TAFA1: variants seen among roughly 807,000 people sequenced by gnomAD.
The protein encoded by TAFA1 is chemokine-like protein TAFA-1.
Under a neutral mutation model 18.5 loss-of-function variants are expected in TAFA1, and 4 were observed. The observed-to-expected ratio is 0.22, with a 90% CI of 0.11 to 0.49. The LOEUF (loss-of-function observed/expected upper bound fraction) is 0.49, where lower values mean the gene tolerates loss of function less well. Among genes scored for constraint, TAFA1 ranks in the 20% least tolerant of loss-of-function variants. The pLI is 0.98. For synonymous variants in TAFA1, 56 were observed against 55.2 expected (o/e 1.01, Z -0.06); for missense variants, 147 against 169.0 (o/e 0.87, Z 0.72).
chr3:68,232,661 A>G (rs932919239), intron 2 of TAFA1, among the ~76,000 whole-genome samples: 1 of 151,978 alleles, frequency 6.6e-6, no homozygotes, highest in Non-Finnish European at 1.5e-5. Context: ...GCTGGAGTAC[A>G]TTGATACAAC....
chr3:68,516,965 G>A (rs1328731543), intron 3 of TAFA1, among the ~76,000 whole-genome samples: 1 of 151,946 alleles, frequency 6.6e-6, no homozygotes, highest in Admixed American at 6.6e-5. Flanking sequence ...ATAGAGATAG[G>A]GCTTCACCAC....
chr3:68,108,863 A>T (rs756129985), intron 2 of TAFA1, among the ~76,000 whole-genome samples: 6 of 152,096 alleles, frequency 3.9e-5, no homozygotes, highest in Non-Finnish European at 7.4e-5. Flanking sequence ...ATATTTAACC[A>T]ATCCCATTTC....
chr3:68,110,345 T>A (rs2065249871), intron 2 of TAFA1, among the ~76,000 whole-genome samples: 1 of 152,228 alleles, frequency 6.6e-6, no homozygotes, highest in Non-Finnish European at 1.5e-5. Flanking sequence ...CCATGATGTA[T>A]ATGTACCACA....
intron 3 of TAFA1, among the ~76,000 whole-genome samples, chr3:68,461,898 T>A (rs1243337538): frequency 6.6e-6 from 1 of 152,056 alleles, no homozygotes; most frequent in Non-Finnish European, 1.5e-5. Context: ...AAAGAAACAG[T>A]CACTCCTGGA....
chr3:68,153,091 A>C (rs1290292686), intron 2 of TAFA1, among the ~76,000 whole-genome samples: 1 of 152,156 alleles, frequency 6.6e-6, no homozygotes, highest in African/African-American at 2.4e-5. Context: ...CTCACTCATG[A>C]ATGGACAAAA....
In TAFA1 at chr3:68,031,430, A is replaced by G. The variant is rs147152010; in HGVS notation, c.118+24686A>G. ...ATCAAAGGATACTTTATCACAAAGC[A>G]CTCGGAAATAGTGGGCAGTGCTTAT... On this transcript the variant is annotated intron_variant, in intron 2 of 4. Transcript: ENST00000478136. 1.3e-4 allele frequency among the ~76,000 whole-genome samples: 20 copies of G among 152,302 alleles called. 1 individual carries two copies. The highest frequency in any genetic ancestry group is 3.8e-4 in the African/African-American group (16 of 41,564).
chr3:68,287,305 G>A (rs778355938), intron 2 of TAFA1, among the ~76,000 whole-genome samples: 5 of 152,116 alleles, frequency 3.3e-5, no homozygotes, highest in African/African-American at 7.2e-5. Context: ...GCTGCTCTTT[G>A]CCCTTCGTTC....
At chr3:68,187,912 T>C (rs1251380547) in intron 2 of TAFA1, among the ~76,000 whole-genome samples, 4 of 152,000 alleles carry the variant, frequency 2.6e-5, no homozygotes, top group African/African-American at 9.7e-5. Flanking sequence ...TAATTACTAA[T>C]GAAGTTGAGC....
At position 68,210,784 on chromosome 3, in the gene TAFA1, A is replaced by T. The variant is rs2066587065; in HGVS notation, c.118+204040A>T. ...TATTGGTTATCTATTACCACATAAC[A>T]TATAAACTCCAAAACTGAGCAGCTA... is the stretch of plus-strand genomic sequence containing the variant. On this transcript the variant is annotated intron_variant, in intron 2 of 4. Transcript: ENST00000478136. 2.6e-5 allele frequency among the ~76,000 whole-genome samples: 4 copies of T among 152,008 alleles called. No individual in the cohort carries two copies. The South Asian group carries it at 8.3e-4, about 31-fold the overall frequency.
chr3:68,233,447 A>G (rs1387096448), intron 2 of TAFA1, among the ~76,000 whole-genome samples: 6 of 152,078 alleles, frequency 3.9e-5, no homozygotes, highest in Non-Finnish European at 8.8e-5. Flanking sequence ...AAGTAAATAC[A>G]TGGATTTATT....
At chr3:68,262,578 C>G (rs1314380516) in intron 2 of TAFA1, among the ~76,000 whole-genome samples, 2 of 151,848 alleles carry the variant, frequency 1.3e-5, no homozygotes, top group African/African-American at 4.8e-5. Context: ...ATAATGGCCT[C>G]CAGCTCCATC....
chr3:68,238,802 A>G (rs58907856), intron 2 of TAFA1, among the ~76,000 whole-genome samples: 41,126 of 152,092 alleles, frequency 0.27, 5,912 homozygotes, highest in Admixed American at 0.35. Context: ...GCATAATTAT[A>G]TAAGAGAACA....
chr3:68,147,712 A>G (rs1454516825), intron 2 of TAFA1, among the ~76,000 whole-genome samples: 1 of 152,138 alleles, frequency 6.6e-6, no homozygotes, highest in Non-Finnish European at 1.5e-5. Flanking sequence ...TTGTAGCTCT[A>G]TTGAACGTGA....
chr3:68,043,577 G>A (rs1007971579), intron 2 of TAFA1, among the ~76,000 whole-genome samples: 1 of 152,188 alleles, frequency 6.6e-6, no homozygotes, highest in Non-Finnish European at 1.5e-5. Flanking sequence ...AATTTTCTAT[G>A]AGTTCTTTTT....
At chr3:68,394,944 C>A (rs1329386031) in intron 2 of TAFA1, among the ~76,000 whole-genome samples, 1 of 152,088 alleles carries the variant, frequency 6.6e-6, no homozygotes, top group Non-Finnish European at 1.5e-5. Flanking sequence ...CCACAATTGA[C>A]AAATGGGATC....
chr3:68,033,701 A>C (rs1704986156), intron 2 of TAFA1, among the ~76,000 whole-genome samples: 1 of 152,212 alleles, frequency 6.6e-6, no homozygotes, highest in East Asian at 1.9e-4. Context: ...GTATTTTTTA[A>C]AGCAGACAGT....
chr3:68,071,884 A>G (rs2064759564), intron 2 of TAFA1, among the ~76,000 whole-genome samples: 1 of 151,988 alleles, frequency 6.6e-6, no homozygotes, highest in Admixed American at 6.6e-5. Context: ...TATCACAAAG[A>G]TAGCACCAAG....
intron 2 of TAFA1, among the ~76,000 whole-genome samples, chr3:68,209,234 A>G (rs1038313560): frequency 1.3e-5 from 2 of 152,004 alleles, no homozygotes; most frequent in African/African-American, 4.8e-5. Context: ...TGAGCAGAGG[A>G]CCCAGCTAAA....
intron 3 of TAFA1, among the ~76,000 whole-genome samples, chr3:68,486,102 G>GTTTTATTTTATTTTGTTTTA (rs2072334742): frequency 3.3e-5 from 4 of 121,328 alleles, no homozygotes; most frequent in African/African-American, 1.2e-4. Flanking sequence ...ATTTTATTTT[G>GTTTTATTTTATTTTGTTTTA]TTTTATTTTA....
Sources: gnomAD v4.1 joint callset for allele counts (sites outside exome capture counted in the v4.1 genomes callset) on GRCh38, gnomAD v4.1.1 for gene constraint, MANE v1.5 for transcripts, NCBI Gene and HGNC (gene_info 2026-07-23, HGNC 2026-07-21) for gene names.